STAM2: variants seen among roughly 807,000 people sequenced by gnomAD.
The protein encoded by STAM2 is signal transducing adaptor molecule 2.
In STAM2, 51 loss-of-function variants were observed where a neutral mutation model predicts 65.6. The observed-to-expected ratio is 0.78, with a 90% CI of 0.62 to 0.98. The LOEUF (loss-of-function observed/expected upper bound fraction) is 0.98, where lower values mean the gene tolerates loss of function less well. Among genes scored for constraint, STAM2 ranks in the 50% least tolerant of loss-of-function variants. The probability of loss-of-function intolerance (pLI) is 0.00; values close to 1 mark genes in which losing one functional copy is unlikely to be tolerated. For synonymous variants in STAM2, 198 were observed against 208.4 expected (o/e 0.95, Z 0.43); for missense variants, 584 against 617.8 (o/e 0.95, Z 0.58).
At chr2:152,175,263 T>C (rs528920485) in intron 1 of STAM2, among the ~76,000 whole-genome samples, 1 of 152,326 alleles carries the variant, frequency 6.6e-6, no homozygotes, top group African/African-American at 2.4e-5. Flanking sequence ...GGTAACCAGC[T>C]GTCGAACGAG....
intron 1 of STAM2, among the ~76,000 whole-genome samples, chr2:152,153,103 T>C (rs1353217490): frequency 1.3e-5 from 2 of 152,184 alleles, no homozygotes; most frequent in African/African-American, 4.8e-5. Flanking sequence ...AATATAATGA[T>C]TGAGTTACAG....
chr2:152,121,538 CT>C (rs957092971), intron 13 of STAM2, among the ~76,000 whole-genome samples: 1 of 152,168 alleles, frequency 6.6e-6, no homozygotes, highest in African/African-American at 2.4e-5. Context: ...TCCACCTCTT[CT>C]CTGTAAACAT....
intron 1 of STAM2, among the ~76,000 whole-genome samples, chr2:152,159,110 T>TATATATATATATATATATATATACAC (rs575009275): frequency 9.3e-5 from 12 of 129,226 alleles, no homozygotes; most frequent in East Asian, 6.2e-4. Flanking sequence ...TATATATATA[T>TATATATATATATATATATATATACAC]ACACACACAG....
chr2:152,135,600 A>T lies in STAM2; in HGVS notation c.708T>A (p.Asp236Glu), dbSNP rs1689139119. 6.2e-7 allele frequency: 1 copy of T among 1,604,270 alleles called. No homozygotes were observed. Among genetic ancestry groups the T allele is most frequent in the Admixed American group, 1.7e-5 (1 of 59,290 alleles). The change falls in exon 8 of 14, where the codon GAT becomes GAA. Residue 236 changes from aspartate to glutamate, a missense_variant. By Grantham distance (45) the Asp-to-Glu change is conservative. Coordinates refer to ENST00000263904, the MANE Select transcript of STAM2 (RefSeq NM_005843.6). ...GATTTTCTCCTTTCCACCAATTGGC[A>T]TCACTAAAAATACAGTGCAAAAAAT... is the stretch of plus-strand genomic sequence containing the variant. ...GEIIIVLDDS[D>E]ANWWKGENHR... is the part of the protein sequence containing the mutation.
At chr2:152,135,892 T>C (rs1278771658) in intron 7 of STAM2, among the ~76,000 whole-genome samples, 2 of 151,208 alleles carry the variant, frequency 1.3e-5, no homozygotes, top group Non-Finnish European at 3.0e-5. Context: ...GAGTTTGAGA[T>C]CAGCCTGTCC....
chr2:152,143,946 T>C lies in STAM2; in HGVS notation c.585A>G (p.Ser195=). 1 of 1,613,882 alleles carries C rather than the reference T, an allele frequency of 6.2e-7. No homozygotes were observed. Among genetic ancestry groups the C allele is most frequent in the Non-Finnish European group, 8.5e-7 (1 of 1,179,890 alleles). Residue 195 remains serine, a synonymous_variant, in exon 7 of 14, where the codon TCA becomes TCG. Coordinates refer to ENST00000263904, the MANE Select transcript of STAM2 (RefSeq NM_005843.6). ...HTETKSLYPS[S]EIQLNNKVAR... is the part of the protein sequence containing the mutation. ...CAACCTTATTATTTAACTGAATTTC[T>C]GAAGATGGATATAAGGATTTTGTTT...
At chr2:152,175,553 G>C in intron 1 of STAM2, 50 bp downstream of exon 1, 1 of 1,610,022 alleles carries the variant, frequency 6.2e-7, no homozygotes, top group East Asian at 2.2e-5. Flanking sequence ...CGGACAAACA[G>C]CAGTCCAGGG....
At chr2:152,146,609 C>T (rs1360718360) in intron 5 of STAM2, among the ~76,000 whole-genome samples, 1 of 152,168 alleles carries the variant, frequency 6.6e-6, no homozygotes, top group African/African-American at 2.4e-5. Flanking sequence ...AGTCTTGAGC[C>T]TCTCAATTCC....
chr2:152,122,048 C>CCA (rs1560208236), intron 13 of STAM2, among the ~76,000 whole-genome samples: 107 of 117,554 alleles, frequency 9.1e-4, no homozygotes, highest in South Asian at 5.7e-3. Flanking sequence ...ACTCCGTCCC[C>CCA]AAAAAAAAAA....
At chr2:152,148,606 G>C (rs1311853526) in intron 2 of STAM2, among the ~76,000 whole-genome samples, 2 of 152,174 alleles carry the variant, frequency 1.3e-5, no homozygotes, top group Non-Finnish European at 2.9e-5. Context: ...GGAAGCTGCT[G>C]TGAGCTGTGT....
At chr2:152,139,225 TAAAA>T (rs1006487394) in intron 7 of STAM2, among the ~76,000 whole-genome samples, 3 of 152,046 alleles carry the variant, frequency 2.0e-5, no homozygotes, top group African/African-American at 7.2e-5. Context: ...CTTTTTATAT[TAAAA>T]AAAGAATAAA....
chr2:152,175,470 C>T (rs888589955), intron 1 of STAM2, 133 bp downstream of exon 1: 5 of 1,166,040 alleles, frequency 4.3e-6, no homozygotes, highest in Non-Finnish European at 6.2e-6. Flanking sequence ...GTCGAAGGAG[C>T]GGGCGGCACC....
rs1688756307 is a variant in STAM2 at position 152,116,858 on chromosome 2, TCTG to T, written c.*3713_*3715del. 6.6e-6 allele frequency: 1 copy of T among 152,250 alleles called. No individual in the cohort carries two copies. The allele number at this position is 152,250 out of a possible 1,614,324, so 9.4% of individuals were successfully genotyped here. On this transcript the variant is annotated 3_prime_UTR_variant, in exon 14 of 14. Transcript: ENST00000263904. Reference sequence around the variant, plus strand: ...GTTACAACTCTTTCATCTTATTAGTTCTGCTGTTAAGTGCCAAATTCATAAACT... The same window carrying T: ...GTTACAACTCTTTCATCTTATTAGTTCTGTTAAGTGCCAAATTCATAAACT...
chr2:152,150,548 A>C (rs1406022760), intron 1 of STAM2, among the ~76,000 whole-genome samples: 1 of 152,244 alleles, frequency 6.6e-6, no homozygotes, highest in Non-Finnish European at 1.5e-5. Flanking sequence ...CATGCCTGTA[A>C]TCCCAGGCAT....
rs1689076098 is a variant in STAM2, at chr2:152,132,132, T to A, written c.1007A>T (p.Lys336Ile). The A allele has an allele frequency of 6.2e-7, 1 of 1,612,012 alleles. No homozygotes were observed. Among genetic ancestry groups the A allele is most frequent in the Non-Finnish European group, 8.5e-7 (1 of 1,178,772 alleles). ...ATCTCACCTATCAATTTCTTCAAGT[T>A]TTTCATCTATCATTGGACCCATCTG... ...CQQMGPMIDE[K>I]LEEIDRKHSE... Residue 336 changes from lysine (K) to isoleucine (I), a missense_variant, in exon 11 of 14, where the codon AAA (lysine) becomes ATA (isoleucine). By Grantham distance (102) the Lys-to-Ile change is moderately radical. Transcript: ENST00000263904.
chr2:152,120,862 T>G (rs1220765780), intron 13 of STAM2, 60 bp from the exon 14 acceptor site: 2 of 1,328,144 alleles, frequency 1.5e-6, no homozygotes, highest in African/African-American at 2.9e-5. Flanking sequence ...AGGTTAGAGA[T>G]CAATCATCAT....
chr2:152,126,453 A>T, intron 11 of STAM2, 74 bp from the exon 12 acceptor site: 1 of 908,918 alleles, frequency 1.1e-6, no homozygotes, highest in Non-Finnish European at 1.5e-6. Flanking sequence ...TTATTTTTTT[A>T]ATTTAGCACA....
chr2:152,156,166 T>C (rs1373072236), intron 1 of STAM2, among the ~76,000 whole-genome samples: 1 of 152,216 alleles, frequency 6.6e-6, no homozygotes, highest in African/African-American at 2.4e-5. Flanking sequence ...TTAAAATATC[T>C]AATTAGACTA....
In STAM2 at chr2:152,150,252, C is replaced by T. The variant is rs551423399; in HGVS notation, c.41-23G>A. 228 of 1,476,852 alleles carry T rather than the reference C, an allele frequency of 1.5e-4. 4 individuals carry two copies. The South Asian group carries it at 2.3e-3, about 15-fold the overall frequency. The allele number at this position is 1,476,852 out of a possible 1,614,324, so 91.5% of individuals were successfully genotyped here. A position where few individuals can be genotyped will look rare whatever the true frequency, so the allele number is the denominator to read the frequency against. On this transcript the variant is annotated intron_variant, in intron 1 of 13. Coordinates refer to ENST00000263904, the MANE Select transcript of STAM2 (RefSeq NM_005843.6). ...TTTCTATAAAATATATTGGCATACACAACAATGAGGACACATCTCATATAA... is the reference window on the plus strand; with the variant it reads ...TTTCTATAAAATATATTGGCATACATAACAATGAGGACACATCTCATATAA...
Sources: gnomAD v4.1 joint callset for allele counts (sites outside exome capture counted in the v4.1 genomes callset) on GRCh38, gnomAD v4.1.1 for gene constraint, MANE v1.5 for transcripts, NCBI Gene and HGNC (gene_info 2026-07-23, HGNC 2026-07-21) for gene names.